Variants in SLC8A1 observed in about 807,000 individuals in gnomAD.
The protein encoded by SLC8A1 is solute carrier family 8 member A1.
A neutral mutation model predicts 68.3 loss-of-function variants in SLC8A1; 18 were observed. The observed-to-expected ratio is 0.26, with a 90% CI of 0.18 to 0.39. The LOEUF (loss-of-function observed/expected upper bound fraction) is 0.39, where lower values mean the gene tolerates loss of function less well. Ranked by LOEUF, SLC8A1 falls within the 10% of genes least tolerant of loss-of-function variation. The probability of loss-of-function intolerance (pLI) is 1.00; values close to 1 mark genes in which losing one functional copy is unlikely to be tolerated. For missense variants in SLC8A1, 985 were observed against 1,156.7 expected, an observed-to-expected ratio of 0.85 and a Z score of 2.15; for synonymous variants, 475 against 415.5, an observed-to-expected ratio of 1.14 and a Z score of -1.74.
At chr2:40,219,951 G>T (rs1320846895) in intron 2 of SLC8A1, among the ~76,000 whole-genome samples, 1 of 138,932 alleles carries the variant, frequency 7.2e-6, no homozygotes, top group Middle Eastern at 3.7e-3. Flanking sequence ...GGCAAAATTT[G>T]ACTAAAATTG....
chr2:40,415,751 G>A (rs1693620450), intron 2 of SLC8A1, among the ~76,000 whole-genome samples: 1 of 151,866 alleles, frequency 6.6e-6, no homozygotes, highest in African/African-American at 2.4e-5. Context: ...GCCGAGGTGG[G>A]TGGGTCACCT....
intron 2 of SLC8A1, among the ~76,000 whole-genome samples, chr2:40,325,407 A>G (rs1024775688): frequency 1.3e-5 from 2 of 152,226 alleles, no homozygotes; most frequent in African/African-American, 4.8e-5. Flanking sequence ...GCAGATAAAT[A>G]ACTGGGCTAA....
intron 2 of SLC8A1, among the ~76,000 whole-genome samples, chr2:40,413,543 G>A (rs1251188960): frequency 6.6e-6 from 1 of 152,082 alleles, no homozygotes; most frequent in Non-Finnish European, 1.5e-5. Context: ...CTTAATAAAG[G>A]AGGAATTCAG....
chr2:40,138,024 C>G (rs1001199460), intron 7 of SLC8A1, among the ~76,000 whole-genome samples: 1 of 152,114 alleles, frequency 6.6e-6, no homozygotes, highest in African/African-American at 2.4e-5. Flanking sequence ...TAAAAATCAC[C>G]AGAAATACAA....
chr2:40,407,192 A>C (rs754459893), intron 2 of SLC8A1, among the ~76,000 whole-genome samples: 27 of 152,164 alleles, frequency 1.8e-4, no homozygotes, highest in Middle Eastern at 3.4e-3. Flanking sequence ...CAGCCTCCTG[A>C]GTATCTGGGA....
intron 6 of SLC8A1, among the ~76,000 whole-genome samples, chr2:40,148,239 T>C (rs529026820): frequency 1.3e-5 from 2 of 152,356 alleles, no homozygotes; most frequent in Admixed American, 1.3e-4. Context: ...TGGAATTTTA[T>C]TTAAAAAAAT....
At chr2:40,416,008 G>C (rs556052235) in intron 2 of SLC8A1, among the ~76,000 whole-genome samples, 1 of 142,952 alleles carries the variant, frequency 7.0e-6, no homozygotes, top group Admixed American at 7.4e-5. Flanking sequence ...CTGAGATCAC[G>C]CCACTGCACT....
chr2:40,236,486 A>G (rs1227638581), intron 2 of SLC8A1, among the ~76,000 whole-genome samples: 1 of 151,922 alleles, frequency 6.6e-6, no homozygotes, highest in Non-Finnish European at 1.5e-5. Context: ...TTTTGAGCCT[A>G]TGTGTGTCTC....
chr2:40,384,441 T>G (rs967276975), intron 2 of SLC8A1, among the ~76,000 whole-genome samples: 3 of 152,094 alleles, frequency 2.0e-5, no homozygotes, highest in Non-Finnish European at 4.4e-5. Context: ...TCATGAATCA[T>G]GGGTATAGAA....
At chr2:40,505,489 T>G (rs1363618586) in intron 1 of SLC8A1, among the ~76,000 whole-genome samples, 1 of 151,872 alleles carries the variant, frequency 6.6e-6, no homozygotes, top group Non-Finnish European at 1.5e-5. Context: ...CAAAACATTT[T>G]TAAAAATTAC....
intron 2 of SLC8A1, among the ~76,000 whole-genome samples, chr2:40,236,731 G>A (rs1280350415): frequency 6.6e-6 from 1 of 152,146 alleles, no homozygotes; most frequent in Non-Finnish European, 1.5e-5. Flanking sequence ...TTTTGCAGCC[G>A]CTGGTACTGG....
upstream of SLC8A1, among the ~76,000 whole-genome samples, chr2:40,455,437 T>C (rs1702940256): frequency 6.6e-6 from 1 of 152,230 alleles, no homozygotes; most frequent in African/African-American, 2.4e-5. Context: ...CTGAAATATG[T>C]TAATACAGTC....
upstream of SLC8A1, among the ~76,000 whole-genome samples, chr2:40,452,323 C>A (rs1220825861): frequency 6.6e-6 from 1 of 151,930 alleles, no homozygotes; most frequent in Non-Finnish European, 1.5e-5. Flanking sequence ...AAAGCCGGCG[C>A]GTTTCTGGAG....
intron 1 of SLC8A1, among the ~76,000 whole-genome samples, chr2:40,447,644 G>A (rs1478890076): frequency 6.6e-6 from 1 of 151,286 alleles, no homozygotes; most frequent in African/African-American, 2.4e-5. Context: ...GAGAATTAAT[G>A]GTAGCTCCTT....
At position 40,365,943 on chromosome 2, in the gene SLC8A1, C is replaced by G. The variant is rs544802459; in HGVS notation, c.1808+62530G>C. Among the ~76,000 whole-genome samples the G allele has an allele frequency of 2.0e-4, 31 of 151,302 alleles. 2 individuals carry two copies. The highest frequency in any genetic ancestry group is 7.3e-4 in the African/African-American group (30 of 41,284). ...CCCAGGAGTTCAAAGCTTCAATGAG[C>G]TATAATGGCACCACTGCACTCTAAC... On this transcript the variant is annotated intron_variant, in intron 2 of 7. Coordinates refer to ENST00000406785, the Ensembl canonical transcript of SLC8A1.
intron 2 of SLC8A1, among the ~76,000 whole-genome samples, chr2:40,364,712 C>T (rs1242437557): frequency 6.6e-6 from 1 of 152,034 alleles, no homozygotes; most frequent in African/African-American, 2.4e-5. Flanking sequence ...CCATTTTCAG[C>T]CTTTCTTTCC....
At chr2:40,311,671 T>A (rs2073701511) in intron 2 of SLC8A1, among the ~76,000 whole-genome samples, 1 of 152,132 alleles carries the variant, frequency 6.6e-6, no homozygotes, top group Non-Finnish European at 1.5e-5. Flanking sequence ...TGGAATTATA[T>A]AAGGATTTAG....
At chr2:40,169,304 G>A (rs2047062373) in intron 4 of SLC8A1, among the ~76,000 whole-genome samples, 1 of 152,144 alleles carries the variant, frequency 6.6e-6, no homozygotes, top group African/African-American at 2.4e-5. Flanking sequence ...GGCCAGTGGT[G>A]GGACAATTTG....
At chr2:40,195,434 T>C (rs1405314833) in intron 2 of SLC8A1, among the ~76,000 whole-genome samples, 4 of 151,312 alleles carry the variant, frequency 2.6e-5, no homozygotes, top group African/African-American at 9.7e-5. Context: ...GCTGAGAAAA[T>C]TGGTTGGGAT....
Sources: allele counts gnomAD v4.1 joint callset (sites outside exome capture counted in the v4.1 genomes callset), GRCh38; gene constraint gnomAD v4.1.1; transcripts MANE v1.5; gene names NCBI Gene and HGNC (gene_info 2026-07-23, HGNC 2026-07-21).